The following CSMD1 variants were observed in gnomAD, a reference collection of about 807,000 sequenced individuals.
CSMD1 encodes CUB and sushi domain-containing protein 1.
In CSMD1, 213 loss-of-function variants were observed where a neutral mutation model predicts 417.5. The ratio of observed to expected loss-of-function variants is 0.51; its 90% CI spans 0.46 to 0.57. CSMD1 has a LOEUF of 0.57. CSMD1 is among the 20% of genes least tolerant of loss of function. The probability of loss-of-function intolerance (pLI) is 0.00; values close to 1 mark genes in which losing one functional copy is unlikely to be tolerated. For missense variants in CSMD1, 6,923 were observed against 4,529.7 expected, an observed-to-expected ratio of 1.53 and a Z score of -15.17; for synonymous variants, 2,862 against 1,736.8, an observed-to-expected ratio of 1.65 and a Z score of -16.11.
chr8:4,981,462 C>A (rs983348032), intron 1 of CSMD1, among the ~76,000 whole-genome samples: 1 of 152,196 alleles, frequency 6.6e-6, no homozygotes, highest in Non-Finnish European at 1.5e-5. Flanking sequence ...ACAACCAAAA[C>A]CTGATATCAT....
At chr8:4,235,426 G>T (rs1342837124) in intron 3 of CSMD1, among the ~76,000 whole-genome samples, 5 of 151,718 alleles carry the variant, frequency 3.3e-5, no homozygotes, top group Non-Finnish European at 5.9e-5. Context: ...TGCTCTAAAG[G>T]CTATGTAGTA....
chr8:4,119,754 T>C (rs552977845), intron 3 of CSMD1, among the ~76,000 whole-genome samples: 1 of 152,128 alleles, frequency 6.6e-6, no homozygotes, highest in African/African-American at 2.4e-5. Flanking sequence ...GAAATGAACA[T>C]CCATGGCATT....
intron 46 of CSMD1, among the ~76,000 whole-genome samples, chr8:3,100,891 A>G (rs1585349154): frequency 1.3e-5 from 2 of 152,224 alleles, no homozygotes; most frequent in Admixed American, 1.3e-4. Flanking sequence ...AACTAGGGAA[A>G]AGGCTGCCCC....
chr8:3,462,022 C>T (rs1336252361), intron 12 of CSMD1, among the ~76,000 whole-genome samples: 1 of 152,108 alleles, frequency 6.6e-6, no homozygotes, highest in Non-Finnish European at 1.5e-5. Context: ...CAGTCAGAAT[C>T]CTAGAGAAGC....
intron 3 of CSMD1, among the ~76,000 whole-genome samples, chr8:4,386,218 C>A (rs1803444138): frequency 6.6e-6 from 1 of 152,118 alleles, no homozygotes; most frequent in African/African-American, 2.4e-5. Flanking sequence ...GTTATGACTT[C>A]CATCCAACTC....
intron 1 of CSMD1, among the ~76,000 whole-genome samples, chr8:4,777,875 T>C (rs113371651): frequency 5.9e-5 from 9 of 152,322 alleles, no homozygotes; most frequent in African/African-American, 1.9e-4. Flanking sequence ...TCTGACACAC[T>C]GAAATAAATC....
intron 10 of CSMD1, among the ~76,000 whole-genome samples, chr8:3,567,747 C>T (rs1799775613): frequency 6.6e-6 from 1 of 152,170 alleles, no homozygotes; most frequent in African/African-American, 2.4e-5. Flanking sequence ...TCCACATCCT[C>T]TGAGACCTCT....
intron 3 of CSMD1, among the ~76,000 whole-genome samples, chr8:4,407,582 C>A (rs532043480): frequency 4.1e-4 from 63 of 152,168 alleles, no homozygotes; most frequent in Non-Finnish European, 7.4e-4. Context: ...TGAAATGATA[C>A]CTCACTTAAA....
At chr8:3,454,476 C>T (rs1388836020) in intron 12 of CSMD1, among the ~76,000 whole-genome samples, 2 of 152,118 alleles carry the variant, frequency 1.3e-5, no homozygotes, top group East Asian at 3.9e-4. Context: ...ATGTTTTGTG[C>T]TTCCTTCAGG....
intron 26 of CSMD1, among the ~76,000 whole-genome samples, chr8:3,261,022 AC>A (rs1224490631): frequency 1.3e-5 from 2 of 152,144 alleles, no homozygotes; most frequent in Non-Finnish European, 2.9e-5. Flanking sequence ...ACCAAAAAAA[AC>A]CTTTCACTGT....
At chr8:3,755,387 T>C (rs957224335) in intron 5 of CSMD1, among the ~76,000 whole-genome samples, 1 of 152,264 alleles carries the variant, frequency 6.6e-6, no homozygotes, top group Non-Finnish European at 1.5e-5. Context: ...CCATGTGCTC[T>C]ACAAGTGGTT....
At chr8:4,377,436 G>A (rs1431224209) in intron 3 of CSMD1, among the ~76,000 whole-genome samples, 2 of 152,184 alleles carry the variant, frequency 1.3e-5, no homozygotes, top group South Asian at 2.1e-4. Context: ...GAAGTGAGAG[G>A]TTAAATTGAT....
chr8:3,461,185 G>C (rs1439876178), intron 12 of CSMD1, among the ~76,000 whole-genome samples: 1 of 152,200 alleles, frequency 6.6e-6, no homozygotes, highest in Non-Finnish European at 1.5e-5. Flanking sequence ...TCTCAGGGAA[G>C]TGCTCAAACA....
chr8:4,099,246 C>T (rs1442371861), intron 3 of CSMD1, among the ~76,000 whole-genome samples: 1 of 151,648 alleles, frequency 6.6e-6, no homozygotes, highest in African/African-American at 2.4e-5. Flanking sequence ...CTTCCCTCTT[C>T]AAGTGTCTTT....
chr8:4,541,004 T>C (rs2406707), intron 2 of CSMD1, among the ~76,000 whole-genome samples: 11,919 of 152,252 alleles, frequency 0.078, 538 homozygotes, highest in South Asian at 0.13. Flanking sequence ...AAGCTCAAAC[T>C]CTTTAAATGC....
chr8:4,134,796 A>T lies in CSMD1; in HGVS notation c.416-102697T>A, dbSNP rs184458594. Among the ~76,000 whole-genome samples the T allele has an allele frequency of 2.5e-3, 387 of 152,288 alleles. 2 individuals are homozygous for T. The Middle Eastern group carries it at 0.034, about 13-fold the overall frequency. On this transcript the variant is annotated intron_variant, in intron 3 of 69. Coordinates refer to ENST00000635120, the MANE Select transcript of CSMD1 (RefSeq NM_033225.6). ...CATTCTCAACACGGCATCATGAGTG[A>T]TTTATTTTAACACAAATTTTGTCCT...
chr8:4,989,683 G>C (rs1471177135), intron 1 of CSMD1, among the ~76,000 whole-genome samples: 2 of 152,156 alleles, frequency 1.3e-5, no homozygotes, highest in African/African-American at 4.8e-5. Flanking sequence ...TTTTCACTAT[G>C]AGCTCAGCAG....
At chr8:3,209,162 A>G (rs890346837) in intron 30 of CSMD1, among the ~76,000 whole-genome samples, 1 of 152,204 alleles carries the variant, frequency 6.6e-6, no homozygotes, top group African/African-American at 2.4e-5. Context: ...CTTGATAAAT[A>G]GTGCTTGTGC....
At chr8:3,578,340 G>A (rs1322959157) in intron 9 of CSMD1, among the ~76,000 whole-genome samples, 1 of 152,124 alleles carries the variant, frequency 6.6e-6, no homozygotes, top group Non-Finnish European at 1.5e-5. Flanking sequence ...CTTTGGTGAT[G>A]ATCTGTTAGG....
Sources: gnomAD v4.1 joint callset for allele counts (sites outside exome capture counted in the v4.1 genomes callset) on GRCh38, gnomAD v4.1.1 for gene constraint, MANE v1.5 for transcripts, NCBI Gene and HGNC (gene_info 2026-07-23, HGNC 2026-07-21) for gene names.